Variants in HS6ST3 observed in about 807,000 individuals in gnomAD.
The protein encoded by HS6ST3 is heparan sulfate 6-O-sulfotransferase 3, also known as heparan-sulfate 6-O-sulfotransferase 3.
Under a neutral mutation model 36.7 loss-of-function variants are expected in HS6ST3, and 12 were observed. That is an observed-to-expected ratio of 0.33 (90% CI 0.21 to 0.53). The LOEUF (loss-of-function observed/expected upper bound fraction) is 0.53. Ranked by LOEUF, HS6ST3 falls within the 20% of genes least tolerant of loss-of-function variation. The pLI is 0.95. For synonymous variants in HS6ST3, 240 were observed against 257.5 expected (o/e 0.93, Z 0.65); for missense variants, 584 against 640.9 (o/e 0.91, Z 0.96).
chr13:96,550,673 T>C (rs1356248622), intron 1 of HS6ST3, among the ~76,000 whole-genome samples: 3 of 152,118 alleles, frequency 2.0e-5, no homozygotes, highest in African/African-American at 7.2e-5. Flanking sequence ...TTTTTGCTTG[T>C]ATACTCAAAA....
intron 1 of HS6ST3, among the ~76,000 whole-genome samples, chr13:96,655,413 A>C (rs568328245): frequency 3.9e-5 from 6 of 152,246 alleles, no homozygotes; most frequent in Non-Finnish European, 5.9e-5. Context: ...TTGCAATAGA[A>C]AAATTATCAT....
intron 1 of HS6ST3, among the ~76,000 whole-genome samples, chr13:96,363,290 A>AT (rs35530266): frequency 0.033 from 4,849 of 145,640 alleles, 100 homozygotes; most frequent in African/African-American, 0.06. Context: ...CTTCCTGTAC[A>AT]TTTTTTTTTT....
rs547518808 is a variant in HS6ST3 at position 96,632,885 on chromosome 13, A to C, written c.708-199605A>C. ...GCATCATCTGAATACACCAGGCAAG[A>C]TATTAGTAGATGTAAAAATCTGGGA... On this transcript the variant is annotated intron_variant, in intron 1 of 1. Transcript: ENST00000376705. Among the ~76,000 whole-genome samples the C allele has an allele frequency of 2.6e-5, 4 of 152,344 alleles. No homozygotes were observed. In the South Asian group the frequency reaches 8.3e-4, roughly 32 times the overall value.
intron 1 of HS6ST3, among the ~76,000 whole-genome samples, chr13:96,114,068 A>G (rs1219364303): frequency 6.6e-6 from 1 of 152,120 alleles, no homozygotes; most frequent in Non-Finnish European, 1.5e-5. Context: ...AGGTTCTACA[A>G]AGAAACATAA....
intron 1 of HS6ST3, among the ~76,000 whole-genome samples, chr13:96,705,568 G>T (rs1875398852): frequency 6.6e-6 from 1 of 152,192 alleles, no homozygotes; most frequent in South Asian, 2.1e-4. Flanking sequence ...CTTGCACTCA[G>T]ATGCTGATGG....
At chr13:96,655,755 G>A (rs534313617) in intron 1 of HS6ST3, among the ~76,000 whole-genome samples, 1 of 152,184 alleles carries the variant, frequency 6.6e-6, no homozygotes, top group East Asian at 1.9e-4. Context: ...TACATATTTT[G>A]TTCCTGGGAA....
intron 1 of HS6ST3, among the ~76,000 whole-genome samples, chr13:96,265,030 T>TTA (rs1054520593): frequency 3.3e-5 from 5 of 152,150 alleles, no homozygotes; most frequent in African/African-American, 9.7e-5. Flanking sequence ...AATTGGGGTC[T>TTA]TAGAGTCCAA....
At chr13:96,482,470 T>TC (rs1273592224) in intron 1 of HS6ST3, among the ~76,000 whole-genome samples, 1 of 151,598 alleles carries the variant, frequency 6.6e-6, no homozygotes, top group South Asian at 2.1e-4. Context: ...TTTTTTTTTT[T>TC]CCGTAAAGCC....
chr13:96,157,747 C>T (rs912403206), intron 1 of HS6ST3, among the ~76,000 whole-genome samples: 4 of 152,196 alleles, frequency 2.6e-5, no homozygotes, highest in African/African-American at 9.7e-5. Context: ...TGTGGTTTTA[C>T]ATAATGAATG....
intron 1 of HS6ST3, among the ~76,000 whole-genome samples, chr13:96,125,165 C>G (rs988340781): frequency 6.6e-6 from 1 of 152,016 alleles, no homozygotes; most frequent in Non-Finnish European, 1.5e-5. Context: ...TTAAAACCAC[C>G]AAATTGCCGT....
rs538436847 is a variant in HS6ST3, at chr13:96,520,116, A to G, written c.708-312374A>G. Among the ~76,000 whole-genome samples, 17 of 152,306 alleles carry G rather than the reference A, an allele frequency of 1.1e-4. 1 individual carries two copies. In the South Asian group the frequency reaches 3.5e-3, roughly 32 times the overall value. ...CCCAACACCGTTTATTAAACAGGGA[A>G]TCTTTTCCCCATTGCTTGTGTCAGG... On this transcript the variant is annotated intron_variant, in intron 1 of 1. Coordinates refer to ENST00000376705, the MANE Select transcript of HS6ST3 (RefSeq NM_153456.4).
rs1169728217 is a variant in HS6ST3, at chr13:96,833,072, C to T, written c.1290C>T (p.Asp430=). 6.2e-7 allele frequency: 1 copy of T among 1,612,284 alleles called. No individual in the cohort carries two copies. Among genetic ancestry groups the T allele is most frequent in the Non-Finnish European group, 8.5e-7 (1 of 1,180,030 alleles). The change falls in exon 2 of 2, where the codon GAC becomes GAT. Residue 430 remains aspartate (D), a synonymous_variant. Coordinates refer to ENST00000376705, the MANE Select transcript of HS6ST3 (RefSeq NM_153456.4). ...CCAAGCAGCTAGAGCACCAGAGGGA[C>T]CGCCAGAAGCGGCGGGAGGAGCGGA... ...HHTKQLEHQR[D]RQKRREERRL... is the part of the protein sequence containing the mutation.
At chr13:96,129,584 A>C (rs1028610568) in intron 1 of HS6ST3, among the ~76,000 whole-genome samples, 1 of 152,230 alleles carries the variant, frequency 6.6e-6, no homozygotes, top group African/African-American at 2.4e-5. Flanking sequence ...AGCTTATCTT[A>C]TCTTAAAAAA....
chr13:96,323,318 A>G (rs2139416154), intron 1 of HS6ST3, among the ~76,000 whole-genome samples: 1 of 152,284 alleles, frequency 6.6e-6, no homozygotes, highest in South Asian at 2.1e-4. Flanking sequence ...TGTTCAAACT[A>G]AAAATCTTGT....
chr13:96,362,754 A>G lies in HS6ST3; in HGVS notation c.707+271185A>G, dbSNP rs374188946. The stretch of plus-strand genomic sequence containing the variant: ...AACCTGGACACAAACCAGGTTTTCA[A>G]TGGGTTAATAGTTAAACAATCTGTG... On this transcript the variant is annotated intron_variant, in intron 1 of 1. Transcript: ENST00000376705. Among the ~76,000 whole-genome samples the G allele has an allele frequency of 7.4e-4, 112 of 152,332 alleles. 1 individual carries two copies. The highest frequency in any genetic ancestry group is 3.4e-3 in the Middle Eastern group (1 of 294).
intron 1 of HS6ST3, among the ~76,000 whole-genome samples, chr13:96,729,117 A>G (rs1443954966): frequency 1.3e-5 from 2 of 152,212 alleles, no homozygotes; most frequent in Admixed American, 6.5e-5. Context: ...AGAGAACAAA[A>G]AAAGAATAGG....
chr13:96,226,309 T>C (rs1243691378), intron 1 of HS6ST3, among the ~76,000 whole-genome samples: 1 of 152,026 alleles, frequency 6.6e-6, no homozygotes, highest in African/African-American at 2.4e-5. Context: ...TCACCTGAGG[T>C]TGGGAGTTCA....
chr13:96,522,634 G>A (rs1437474573), intron 1 of HS6ST3, among the ~76,000 whole-genome samples: 1 of 151,640 alleles, frequency 6.6e-6, no homozygotes, highest in East Asian at 1.9e-4. Flanking sequence ...GACCTTTGTT[G>A]CTTTAAAGTC....
At chr13:96,634,785 T>G (rs1039775822) in intron 1 of HS6ST3, among the ~76,000 whole-genome samples, 1 of 152,164 alleles carries the variant, frequency 6.6e-6, no homozygotes, top group African/African-American at 2.4e-5. Flanking sequence ...AAGTGGTGTC[T>G]CTTCCCAGCG....
Sources: gnomAD v4.1 joint callset for allele counts (sites outside exome capture counted in the v4.1 genomes callset) on GRCh38, gnomAD v4.1.1 for gene constraint, MANE v1.5 for transcripts, NCBI Gene and HGNC (gene_info 2026-07-23, HGNC 2026-07-21) for gene names.